ABLIM3: variants seen among roughly 807,000 people sequenced by gnomAD.
ABLIM3 encodes the protein actin-binding LIM protein 3.
A neutral mutation model predicts 109.5 loss-of-function variants in ABLIM3; 61 were observed. The ratio of observed to expected loss-of-function variants is 0.56; its 90% CI spans 0.45 to 0.69. ABLIM3 has a LOEUF of 0.69. Ranked by LOEUF, ABLIM3 falls within the 30% of genes least tolerant of loss-of-function variation. ABLIM3 has a pLI of 0.00. For missense variants in ABLIM3, 796 were observed against 889.5 expected, an observed-to-expected ratio of 0.89 and a Z score of 1.34; for synonymous variants, 300 against 324.8, an observed-to-expected ratio of 0.92 and a Z score of 0.82.
chr5:149,241,713 C>T (rs750898612), intron 14 of ABLIM3, among the ~76,000 whole-genome samples: 15 of 152,098 alleles, frequency 9.9e-5, no homozygotes, highest in Admixed American at 6.5e-5. Context: ...GAGCCAAGAT[C>T]GTGCCACTGC....
At chr5:149,154,930 A>G (rs1753752392) in intron 2 of ABLIM3, among the ~76,000 whole-genome samples, 1 of 152,214 alleles carries the variant, frequency 6.6e-6, no homozygotes, top group South Asian at 2.1e-4. Context: ...CTCATTTTAC[A>G]AAGAAGGAAA....
chr5:149,203,716 CCAT>C, intron 5 of ABLIM3, among the ~76,000 whole-genome samples: 1 of 151,972 alleles, frequency 6.6e-6, no homozygotes, highest in African/African-American at 2.4e-5. Context: ...ATTATTACCA[CCAT>C]CATCACTGTC....
intron 8 of ABLIM3, among the ~76,000 whole-genome samples, chr5:149,229,251 C>T (rs566297067): frequency 6.6e-6 from 1 of 152,302 alleles, no homozygotes; most frequent in African/African-American, 2.4e-5. Context: ...AGAACCATTG[C>T]ATTTTACTTT....
chr5:149,205,871 G>A (rs1041533121), intron 5 of ABLIM3, among the ~76,000 whole-genome samples: 7 of 152,182 alleles, frequency 4.6e-5, no homozygotes, highest in East Asian at 1.9e-4. Flanking sequence ...CCCCACAGCC[G>A]GCTGGACCCA....
chr5:149,228,581 G>T (rs1445389774), intron 8 of ABLIM3, among the ~76,000 whole-genome samples: 1 of 152,158 alleles, frequency 6.6e-6, no homozygotes, highest in African/African-American at 2.4e-5. Flanking sequence ...TGAGCTATTG[G>T]CCTAGGGAAT....
In ABLIM3 at chr5:149,259,663, G is replaced by A. The variant is rs1226027202; in HGVS notation, c.*1259G>A. ...CCCTTCCTGCTCGCCTCCCTGAACA[G>A]GGGAGAAAGCTTAACCTCTCTTCTC... On this transcript the variant is annotated 3_prime_UTR_variant, in exon 24 of 24. Transcript: ENST00000309868. 1 of 1,410,604 alleles carries A rather than the reference G, an allele frequency of 7.1e-7. No homozygotes were observed. The highest frequency in any genetic ancestry group is 9.7e-7 in the Non-Finnish European group (1 of 1,032,710). The allele number at this position is 1,410,604 out of a possible 1,614,324, so 87.4% of individuals were successfully genotyped here.
At chr5:149,257,807 A>AT (rs1754567792) in intron 23 of ABLIM3, among the ~76,000 whole-genome samples, 1 of 152,162 alleles carries the variant, frequency 6.6e-6, no homozygotes, top group Admixed American at 6.5e-5. Context: ...AAGAGCAGAA[A>AT]TTTTTTTCAT....
intron 3 of ABLIM3, among the ~76,000 whole-genome samples, chr5:149,186,162 T>C (rs1411888720): frequency 6.6e-6 from 1 of 152,166 alleles, no homozygotes; most frequent in African/African-American, 2.4e-5. Context: ...ACTCCTGTAA[T>C]CCCAGCAGTT....
chr5:149,183,995 G>A (rs1424446383), intron 3 of ABLIM3, among the ~76,000 whole-genome samples: 3 of 148,002 alleles, frequency 2.0e-5, no homozygotes, highest in Admixed American at 2.0e-4. Flanking sequence ...GAGATGAGTA[G>A]CTATTCTATG....
chr5:149,191,348 T>C (rs946933042), intron 3 of ABLIM3, among the ~76,000 whole-genome samples: 2 of 152,212 alleles, frequency 1.3e-5, no homozygotes, highest in African/African-American at 2.4e-5. Context: ...TATCAATTCT[T>C]GAGTGCAAAT....
chr5:149,156,763 T>C (rs1441439359), intron 2 of ABLIM3, among the ~76,000 whole-genome samples: 1 of 152,230 alleles, frequency 6.6e-6, no homozygotes, highest in East Asian at 1.9e-4. Flanking sequence ...CTGGCAAACC[T>C]TTCCTGTAAA....
intron 17 of ABLIM3, 169 bp from the exon 18 acceptor site, chr5:149,247,613 G>A (rs1158959281): frequency 1.1e-6 from 1 of 905,942 alleles, no homozygotes; most frequent in Admixed American, 2.0e-5. Context: ...AAGACAAGAT[G>A]AGATTGCAAC....
At chr5:149,156,139 T>C (rs1753851660) in intron 2 of ABLIM3, among the ~76,000 whole-genome samples, 1 of 152,246 alleles carries the variant, frequency 6.6e-6, no homozygotes, top group Admixed American at 6.5e-5. Flanking sequence ...GGGCTTGCTG[T>C]ATATTCTAAT....
chr5:149,240,439 A>T (rs1358170691), intron 13 of ABLIM3: 1 of 573,154 alleles, frequency 1.7e-6, no homozygotes, highest in Non-Finnish European at 3.1e-6. Context: ...TGATCTTTAC[A>T]TCTCACAAAA....
At chr5:149,196,097 T>TTGGG (rs1561575127) in intron 3 of ABLIM3, among the ~76,000 whole-genome samples, 2 of 151,902 alleles carry the variant, frequency 1.3e-5, no homozygotes, top group African/African-American at 4.8e-5. Context: ...AGACCAGAGG[T>TTGGG]TGGGTGGTCT....
At chr5:149,256,605 T>C (rs1036390617) in intron 23 of ABLIM3, among the ~76,000 whole-genome samples, 1 of 152,268 alleles carries the variant, frequency 6.6e-6, no homozygotes, top group Non-Finnish European at 1.5e-5. Flanking sequence ...TGTTAGATTT[T>C]CTTGAGTTTA....
intron 8 of ABLIM3, among the ~76,000 whole-genome samples, chr5:149,222,070 A>G (rs1760705237): frequency 6.6e-6 from 1 of 151,858 alleles, no homozygotes. Context: ...GAAAAGTATT[A>G]TAACAAATTA....
At chr5:149,213,204 T>A (rs1054250766) in intron 7 of ABLIM3, among the ~76,000 whole-genome samples, 1 of 152,124 alleles carries the variant, frequency 6.6e-6, no homozygotes, top group Admixed American at 6.5e-5. Flanking sequence ...AACGTGAGGC[T>A]TTGAATAATA....
chr5:149,215,923 G>A (rs1283380807), intron 7 of ABLIM3, among the ~76,000 whole-genome samples: 1 of 152,206 alleles, frequency 6.6e-6, no homozygotes, highest in Non-Finnish European at 1.5e-5. Flanking sequence ...CTGGCTTGCA[G>A]TGAACCCTTG....
Sources: gnomAD v4.1 joint callset for allele counts (sites outside exome capture counted in the v4.1 genomes callset) on GRCh38, gnomAD v4.1.1 for gene constraint, MANE v1.5 for transcripts, NCBI Gene and HGNC (gene_info 2026-07-23, HGNC 2026-07-21) for gene names.